Variants in TENM1 observed in about 807,000 individuals in gnomAD.
TENM1 encodes the protein teneurin-1.
In TENM1, 35 loss-of-function variants were observed where a neutral mutation model predicts 174.8. That is an observed-to-expected ratio of 0.20 (90% CI 0.15 to 0.27). TENM1 has a LOEUF of 0.27. Ranked by LOEUF, TENM1 falls within the 10% of genes least tolerant of loss-of-function variation. The probability of loss-of-function intolerance (pLI) is 1.00; values close to 1 mark genes in which losing one functional copy is unlikely to be tolerated. For synonymous variants in TENM1, 781 were observed against 798.7 expected (o/e 0.98, Z 0.37); for missense variants, 1,633 against 2,130.1 (o/e 0.77, Z 4.59).
chrX:124,607,223 G>A (rs940311068), intron 11 of TENM1, among the ~76,000 whole-genome samples: 2 of 111,324 alleles, frequency 1.8e-5, no homozygotes, highest in African/African-American at 6.5e-5. Context: ...GTATGTGTAT[G>A]TGTAGGGGGT....
intron 10 of TENM1, 51 bp downstream of exon 13, chrX:124,645,092 C>T (rs1453211467): frequency 4.4e-6 from 5 of 1,144,348 alleles, no homozygotes; most frequent in Non-Finnish European, 5.9e-6. Context: ...ACACCTTGGA[C>T]AACTGAGTGA....
chrX:124,400,210 C>T (rs1204366406), intron 27 of TENM1, among the ~76,000 whole-genome samples: 2 of 111,845 alleles, frequency 1.8e-5, no homozygotes, highest in Non-Finnish European at 3.8e-5. Flanking sequence ...AATGCTTCCA[C>T]CAAACCTGAG....
chrX:124,555,316 A>T (rs1433278964), intron 14 of TENM1, among the ~76,000 whole-genome samples: 1 of 111,786 alleles, frequency 8.9e-6, no homozygotes, highest in Non-Finnish European at 1.9e-5. Context: ...CTCTCTCACC[A>T]CCCAGACTAG....
intron 5 of TENM1, among the ~76,000 whole-genome samples, chrX:124,675,727 A>C (rs1401517916): frequency 9.1e-6 from 1 of 109,555 alleles, no homozygotes; most frequent in Non-Finnish European, 1.9e-5. Context: ...ATAAAATATA[A>C]GATAGAATAC....
intron 6 of TENM1, among the ~76,000 whole-genome samples, chrX:124,668,296 C>T (rs1379594519): frequency 5.4e-5 from 6 of 111,328 alleles, no homozygotes; most frequent in Non-Finnish European, 1.1e-4. Flanking sequence ...TGTGGCGATT[C>T]CTCAAGGATC....
intron 23 of TENM1, among the ~76,000 whole-genome samples, chrX:124,424,585 G>A (rs771604826): frequency 1.8e-5 from 2 of 111,282 alleles, no homozygotes; most frequent in South Asian, 7.7e-4. Flanking sequence ...TTATCTTTCT[G>A]TGCCTGGCTT....
intron 5 of TENM1, among the ~76,000 whole-genome samples, chrX:124,682,277 G>A (rs1287040086): frequency 9.0e-6 from 1 of 111,550 alleles, no homozygotes; most frequent in East Asian, 2.8e-4. Context: ...GCATCCCTAA[G>A]ATTTTAAAAG....
At chrX:124,802,951 G>A (rs182632099) in intron 3 of TENM1, among the ~76,000 whole-genome samples, 3 of 111,668 alleles carry the variant, frequency 2.7e-5, no homozygotes, top group South Asian at 7.7e-4. Flanking sequence ...AGTGGCTAAG[G>A]GTTTGAATAC....
the TENM1 span, among the ~76,000 whole-genome samples, chrX:125,081,741 C>T: frequency 9.0e-6 from 1 of 111,385 alleles, no homozygotes; most frequent in African/African-American, 3.3e-5. Context: ...GGGAATTAAC[C>T]TAAGTGTCCA....
At chrX:124,819,639 T>C (rs190667418) in intron 3 of TENM1, among the ~76,000 whole-genome samples, 18 of 111,351 alleles carry the variant, frequency 1.6e-4, no homozygotes, top group Non-Finnish European at 3.2e-4. Flanking sequence ...GTTTCTGGCC[T>C]ACATAATTGT....
chrX:124,583,951 T>C (rs1299659222), intron 11 of TENM1, among the ~76,000 whole-genome samples: 3 of 107,085 alleles, frequency 2.8e-5, no homozygotes, highest in South Asian at 8.8e-4. Context: ...GAAGATGAAA[T>C]GAATGAAATG....
At chrX:125,146,909 A>C in the TENM1 span, among the ~76,000 whole-genome samples, 12 of 111,170 alleles carry the variant, frequency 1.1e-4, no homozygotes, top group African/African-American at 3.6e-4. Context: ...TCTCAGGTCC[A>C]ATCTTTGGCT....
At chrX:124,414,762 G>A (rs1384467398) in intron 25 of TENM1, among the ~76,000 whole-genome samples, 2 of 111,574 alleles carry the variant, frequency 1.8e-5, no homozygotes, top group African/African-American at 6.5e-5. Flanking sequence ...ACTGTTCAGG[G>A]TCATCTATGT....
the TENM1 span, among the ~76,000 whole-genome samples, chrX:125,104,063 A>T: frequency 6.2e-5 from 7 of 112,405 alleles, no homozygotes; most frequent in East Asian, 1.7e-3. Flanking sequence ...TAAACGAATC[A>T]GCAATCTTAA....
rs780705787 is a variant in TENM1 at position 124,894,784 on chromosome X, G to A, written c.479-432C>T. ...TCATTGTTTTTCCCAACTGAAAGAC[G>A]AAACCCAGAAAACTGTAGTGACCAG... is the stretch of plus-strand genomic sequence containing the variant. On this transcript the variant is annotated intron_variant, in intron 2 of 31. Coordinates refer to ENST00000422452, the Ensembl canonical transcript of TENM1. Among the ~76,000 whole-genome samples, 40 of 111,304 alleles carry A rather than the reference G, an allele frequency of 3.6e-4. 3 individuals carry two copies. Among genetic ancestry groups the A allele is most frequent in the Admixed American group, 3.3e-3 (34 of 10,440 alleles).
At chrX:125,131,387 T>G in the TENM1 span, among the ~76,000 whole-genome samples, 1 of 112,238 alleles carries the variant, frequency 8.9e-6, no homozygotes, top group Non-Finnish European at 1.9e-5. Flanking sequence ...AGGTATCAGC[T>G]GCTCTACCAG....
chrX:124,551,602 G>A (rs958704649), intron 14 of TENM1, among the ~76,000 whole-genome samples: 3 of 110,537 alleles, frequency 2.7e-5, no homozygotes, highest in African/African-American at 3.3e-5. Flanking sequence ...GAAAACCGTT[G>A]GATGTAATGG....
At chrX:124,782,406 A>G (rs1465833341) in intron 3 of TENM1, among the ~76,000 whole-genome samples, 1 of 110,826 alleles carries the variant, frequency 9.0e-6, no homozygotes, top group Non-Finnish European at 1.9e-5. Flanking sequence ...GACTCACTCT[A>G]TAGTCTCATT....
intron 4 of TENM1, among the ~76,000 whole-genome samples, chrX:124,720,775 C>G (rs1433046893): frequency 8.9e-6 from 1 of 112,235 alleles, no homozygotes; most frequent in Admixed American, 9.4e-5. Flanking sequence ...ATGTTGCCTC[C>G]TTAACTATAG....
Sources: gnomAD v4.1 joint callset for allele counts (sites outside exome capture counted in the v4.1 genomes callset) on GRCh38, gnomAD v4.1.1 for gene constraint, MANE v1.5 for transcripts, NCBI Gene and HGNC (gene_info 2026-07-23, HGNC 2026-07-21) for gene names.